Variants in TG observed in about 807,000 individuals in gnomAD.
TG encodes the protein thyroglobulin.
In TG, 270 loss-of-function variants were observed where a neutral mutation model predicts 324.7. The observed-to-expected ratio is 0.83, with a 90% confidence interval of 0.75 to 0.92. The LOEUF is 0.92. Ranked by LOEUF, TG falls within the 40% of genes least tolerant of loss-of-function variation. The pLI is 0.00. For missense variants in TG, 3,591 were observed against 3,456.4 expected (o/e 1.04, Z -0.98); for synonymous variants, 1,401 against 1,327.0 (o/e 1.06, Z -1.21).
chr8:132,998,905 G>T (rs896706758), intron 35 of TG, among the ~76,000 whole-genome samples: 1 of 152,162 alleles, frequency 6.6e-6, no homozygotes, highest in South Asian at 2.1e-4. Flanking sequence ...TCCCTAAGAT[G>T]ATGAAACCAC....
At chr8:132,972,467 T>G (rs1424942732) in intron 33 of TG, 131 bp from the exon 34 acceptor site, 2 of 1,053,664 alleles carry the variant, frequency 1.9e-6, no homozygotes, top group East Asian at 5.0e-5. Context: ...TGAGATAGTA[T>G]CTGAAATATA....
chr8:133,034,617 T>G (rs10108988), intron 41 of TG, among the ~76,000 whole-genome samples: 23,350 of 152,114 alleles, frequency 0.15, 2,141 homozygotes, highest in African/African-American at 0.26. Flanking sequence ...GGAGACCCAG[T>G]ACTAAAGCAG....
chr8:133,038,932 C>A (rs1837610357), intron 41 of TG, among the ~76,000 whole-genome samples: 1 of 152,178 alleles, frequency 6.6e-6, no homozygotes, highest in South Asian at 2.1e-4. Context: ...GGCTGGAGTG[C>A]AGTGGTGCAA....
At chr8:132,906,160 A>G (rs1818648929) in intron 16 of TG, among the ~76,000 whole-genome samples, 1 of 152,206 alleles carries the variant, frequency 6.6e-6, no homozygotes, top group African/African-American at 2.4e-5. Context: ...CAGAAAATGA[A>G]GGATGTCTAA....
Position 132,901,444 on chromosome 8 carries a change from C to A in TG, c.3525C>A (p.Gly1175=), listed in dbSNP as rs747406062. The change falls in exon 16 of 48, where the codon GGC becomes GGA. Residue 1175 remains glycine (G), a synonymous_variant. Coordinates refer to ENST00000220616, the MANE Select transcript of TG (RefSeq NM_003235.5). ...YVPACRAEDG[G]FSPVQCDQAQ... ...CAGCCTGCAGGGCAGAGGATGGGGG[C>A]TTTTCCCCAGTGCAATGTGACCAGG... The A allele has an allele frequency of 1.9e-6, 3 of 1,614,214 alleles. 1 individual carries two copies. The Admixed American group carries it at 5.0e-5, about 27-fold the overall frequency.
chr8:133,016,428 A>G (rs974662632), intron 37 of TG, among the ~76,000 whole-genome samples: 4 of 152,188 alleles, frequency 2.6e-5, no homozygotes, highest in African/African-American at 9.7e-5. Context: ...GATGTGGCCA[A>G]ATGTCCCCTG....
At position 132,969,538 on chromosome 8, in the gene TG, G is replaced by T; in HGVS notation, c.5944G>T (p.Val1982Leu). ...KLMGISIRNK[V>L]PMSEKSISNG... ...GATGGGGATATCCATTAGAAATAAA[G>T]TGCCCATGTCTGAAAAATCTATTTC... Residue 1982 changes from valine (V) to leucine (L), a missense_variant, in exon 32 of 48, where the codon GTG becomes TTG. By Grantham distance (32) the Val-to-Leu change is conservative. Transcript: ENST00000220616. 1 of 1,613,754 alleles carries T rather than the reference G, an allele frequency of 6.2e-7. No individual in the cohort carries two copies. Among genetic ancestry groups the T allele is most frequent in the South Asian group, 1.1e-5 (1 of 91,074 alleles).
chr8:132,995,227 G>A (rs1832757923), intron 35 of TG: 1 of 955,306 alleles, frequency 1.0e-6, no homozygotes, highest in Non-Finnish European at 1.2e-6. Context: ...AATTCACCAT[G>A]TTACCTATTA....
chr8:132,883,562 G>A (rs2132135281), intron 8 of TG, among the ~76,000 whole-genome samples: 1 of 152,298 alleles, frequency 6.6e-6, no homozygotes, highest in South Asian at 2.1e-4. Flanking sequence ...GAATAGGGTG[G>A]TGCTCCGGAC....
intron 43 of TG, 43 bp downstream of exon 43, chr8:133,096,416 C>T: frequency 2.5e-6 from 4 of 1,611,492 alleles, no homozygotes; most frequent in Non-Finnish European, 3.4e-6. Flanking sequence ...CTGGGCATTT[C>T]CTAAGGGCTC....
chr8:133,030,021 A>G lies in TG; in HGVS notation c.7237A>G (p.Met2413Val). ...CCAACTTTTCCGGAGAGCTGTGCTG[A>G]TGGTAAGTGGTGTGTGTTCTACCTT... ...NSQLFRRAVL[M>V]GGSALSPAAV... Residue 2413 changes from methionine (M) to valine (V), a missense_variant and splice_region_variant, in exon 41 of 48, where the codon ATG (methionine) becomes GTG (valine). Met to Val is a conservative substitution (Grantham distance 21). Coordinates refer to ENST00000220616, the MANE Select transcript of TG (RefSeq NM_003235.5). 6.2e-7 allele frequency: 1 copy of G among 1,614,198 alleles called. No homozygotes were observed. The highest frequency in any genetic ancestry group is 2.2e-5 in the East Asian group (1 of 44,874).
Position 133,065,742 on chromosome 8 carries a change from A to G in TG, c.7240-29302A>G, listed in dbSNP as rs188993475. Reference sequence around the variant, plus strand: ...AGGCCATTGTACTCCAGCCTGGGAAACAAGAGTGAAACTCCGTCTCAAAAA... The same window carrying G: ...AGGCCATTGTACTCCAGCCTGGGAAGCAAGAGTGAAACTCCGTCTCAAAAA... On this transcript the variant is annotated intron_variant, in intron 41 of 47. Transcript: ENST00000220616. Among the ~76,000 whole-genome samples, 101 of 152,292 alleles carry G rather than the reference A, an allele frequency of 6.6e-4. No individual in the cohort carries two copies. In the East Asian group the frequency reaches 0.019, roughly 29 times the overall value.
At chr8:133,027,408 C>T (rs1367816012) in intron 40 of TG, among the ~76,000 whole-genome samples, 1 of 152,122 alleles carries the variant, frequency 6.6e-6, no homozygotes, top group Non-Finnish European at 1.5e-5. Context: ...GCCCCTGGGC[C>T]CAAGCCTCAA....
In TG at chr8:132,915,374, G is replaced by C. The variant is rs1820146074; in HGVS notation, c.4378+2109G>C. On this transcript the variant is annotated intron_variant, in intron 20 of 47. Coordinates refer to ENST00000220616, the MANE Select transcript of TG (RefSeq NM_003235.5). The stretch of plus-strand genomic sequence containing the variant: ...ATAAAGGGGCTGGCCTAGAAACCTG[G>C]TTTCAAGATTCCTTCTAGGAAGCTC... Among the ~76,000 whole-genome samples, 3 of 152,182 alleles carry C rather than the reference G, an allele frequency of 2.0e-5. No homozygotes were observed. The South Asian group carries it at 6.2e-4, about 32-fold the overall frequency.
At chr8:132,955,191 T>TC (rs911482498) in intron 27 of TG, among the ~76,000 whole-genome samples, 4 of 152,044 alleles carry the variant, frequency 2.6e-5, no homozygotes, top group African/African-American at 9.7e-5. Flanking sequence ...TGGAGGTCTT[T>TC]CCCCCCACAA....
intron 43 of TG, among the ~76,000 whole-genome samples, chr8:133,111,930 G>A (rs1564202807): frequency 6.6e-6 from 1 of 152,244 alleles, no homozygotes; most frequent in Non-Finnish European, 1.5e-5. Flanking sequence ...TCCACAGGGT[G>A]GTTCAGCCTT....
At chr8:132,895,224 A>C (rs1175636208) in intron 11 of TG, among the ~76,000 whole-genome samples, 2 of 152,214 alleles carry the variant, frequency 1.3e-5, no homozygotes, top group African/African-American at 4.8e-5. Flanking sequence ...GTCTCAGCTG[A>C]TTCCCTGTCT....
At chr8:132,914,618 A>G (rs1820023814) in intron 20 of TG, among the ~76,000 whole-genome samples, 1 of 152,244 alleles carries the variant, frequency 6.6e-6, no homozygotes, top group African/African-American at 2.4e-5. Flanking sequence ...GCTGGGGTTC[A>G]GATTAAATGA....
chr8:132,877,129 C>CTTATTTTATT (rs75415252), intron 5 of TG, among the ~76,000 whole-genome samples: 7 of 150,640 alleles, frequency 4.6e-5, no homozygotes, highest in African/African-American at 1.7e-4. Flanking sequence ...ACGGCCCCCT[C>CTTATTTTATT]TTATTTTATT....
Sources: allele counts gnomAD v4.1 joint callset (sites outside exome capture counted in the v4.1 genomes callset), GRCh38; gene constraint gnomAD v4.1.1; transcripts MANE v1.5; gene names NCBI Gene and HGNC (gene_info 2026-07-23, HGNC 2026-07-21).